Variants in OPCML observed in about 807,000 individuals in gnomAD.
OPCML encodes the protein opioid binding protein/cell adhesion molecule like, also known as opioid-binding protein/cell adhesion molecule.
OPCML carries 13 observed loss-of-function variants against 37.8 expected under a neutral mutation model. The ratio of observed to expected loss-of-function variants is 0.34; its 90% CI spans 0.22 to 0.55. The LOEUF (loss-of-function observed/expected upper bound fraction) is 0.55. OPCML is among the 20% of genes least tolerant of loss of function. The pLI is 0.91. For synonymous variants in OPCML, 176 were observed against 168.8 expected (o/e 1.04, Z -0.33); for missense variants, 341 against 435.6 (o/e 0.78, Z 1.93).
At chr11:132,968,779 TATATGGACTATCGTGTCATCAGC>T (rs1321715861) in intron 1 of OPCML, among the ~76,000 whole-genome samples, 1 of 152,210 alleles carries the variant, frequency 6.6e-6, no homozygotes, top group Admixed American at 6.5e-5. Context: ...TCAGATTTTG[TATATGGACTATCGTGTCATCAGC>T]ATATGGACTA....
At chr11:133,523,512 C>A (rs573884484) in intron 1 of OPCML, among the ~76,000 whole-genome samples, 1 of 152,154 alleles carries the variant, frequency 6.6e-6, no homozygotes, top group Non-Finnish European at 1.5e-5. Context: ...AGTAGTCTTC[C>A]GACTAGTCTA....
intron 1 of OPCML, among the ~76,000 whole-genome samples, chr11:133,394,053 C>G (rs1400643788): frequency 6.6e-6 from 1 of 152,204 alleles, no homozygotes; most frequent in Non-Finnish European, 1.5e-5. Flanking sequence ...TCACCAGCCC[C>G]TCATATGCAA....
At chr11:133,005,382 A>C (rs1947089410) in intron 1 of OPCML, 7 of 985,368 alleles carry the variant, frequency 7.1e-6, no homozygotes, top group Non-Finnish European at 8.4e-6. Flanking sequence ...CGTTTCTCAG[A>C]TATCTGTCTA....
intron 1 of OPCML, among the ~76,000 whole-genome samples, chr11:133,334,592 T>C (rs1943700417): frequency 6.6e-6 from 1 of 152,212 alleles, no homozygotes; most frequent in Admixed American, 6.5e-5. Flanking sequence ...ACAACCCCCA[T>C]GACATGTGTT....
At chr11:132,639,956 G>A (rs1940749664) in intron 3 of OPCML, among the ~76,000 whole-genome samples, 1 of 152,200 alleles carries the variant, frequency 6.6e-6, no homozygotes, top group Non-Finnish European at 1.5e-5. Context: ...AGTTTCTGAG[G>A]CAAATGTGAG....
intron 1 of OPCML, among the ~76,000 whole-genome samples, chr11:133,347,487 A>G (rs1034102367): frequency 6.6e-6 from 1 of 152,224 alleles, no homozygotes; most frequent in African/African-American, 2.4e-5. Flanking sequence ...CAGCAAAACC[A>G]TTAGAGATCA....
At chr11:133,113,179 G>A (rs927283391) in intron 1 of OPCML, among the ~76,000 whole-genome samples, 1 of 152,158 alleles carries the variant, frequency 6.6e-6, no homozygotes, top group African/African-American at 2.4e-5. Context: ...GAGCTAAACT[G>A]TATGGGTATA....
intron 1 of OPCML, among the ~76,000 whole-genome samples, chr11:133,079,926 A>G (rs1262811431): frequency 6.6e-6 from 1 of 152,130 alleles, no homozygotes; most frequent in Non-Finnish European, 1.5e-5. Flanking sequence ...CTCCCTTTTC[A>G]CAAAGCAGCT....
chr11:133,235,778 C>A (rs1306714952), intron 1 of OPCML, among the ~76,000 whole-genome samples: 1 of 152,184 alleles, frequency 6.6e-6, no homozygotes, highest in Non-Finnish European at 1.5e-5. Context: ...GCCATTAACT[C>A]AGAGCTACAA....
At position 133,029,378 on chromosome 11, in the gene OPCML, CA is replaced by C. The variant is rs1336990697; in HGVS notation, c.62-86369del. 1.7e-4 allele frequency among the ~76,000 whole-genome samples: 26 copies of C among 152,170 alleles called. 1 individual carries two copies. Among genetic ancestry groups the C allele is most frequent in the African/African-American group, 5.3e-4 (22 of 41,524 alleles). On this transcript the variant is annotated intron_variant, in intron 1 of 7. Transcript: ENST00000524381. ...GCAAGGCCACTAGTCAGCATATAGC[CA>C]AAGGAAAATAAATCGTTCAACCAAA... is the stretch of plus-strand genomic sequence containing the variant.
At chr11:133,246,085 C>A (rs890014722) in intron 1 of OPCML, among the ~76,000 whole-genome samples, 9 of 152,110 alleles carry the variant, frequency 5.9e-5, no homozygotes, top group South Asian at 2.1e-4. Context: ...ATGTAAAAAA[C>A]CACTTTCTGC....
chr11:132,539,330 C>G (rs1392488622), intron 3 of OPCML, among the ~76,000 whole-genome samples: 1 of 152,122 alleles, frequency 6.6e-6, no homozygotes, highest in East Asian at 1.9e-4. Context: ...TGCAAAGGAT[C>G]TACAAAACAG....
At chr11:133,314,709 C>A (rs1943161596) in intron 1 of OPCML, among the ~76,000 whole-genome samples, 1 of 152,208 alleles carries the variant, frequency 6.6e-6, no homozygotes, top group African/African-American at 2.4e-5. Flanking sequence ...TCAATGGTCT[C>A]CCCCACAGAA....
At chr11:133,080,474 G>GT (rs34982227) in intron 1 of OPCML, among the ~76,000 whole-genome samples, 6,086 of 129,144 alleles carry the variant, frequency 0.047, 219 homozygotes, top group African/African-American at 0.1. Flanking sequence ...GTAATCAAAT[G>GT]TTTTTTTTTT....
intron 3 of OPCML, among the ~76,000 whole-genome samples, chr11:132,627,749 G>T (rs1279704568): frequency 6.6e-6 from 1 of 152,202 alleles, no homozygotes; most frequent in African/African-American, 2.4e-5. Flanking sequence ...CTAGTAGTAA[G>T]TGAAAATAAC....
chr11:133,187,129 G>T (rs1163180509), intron 1 of OPCML, among the ~76,000 whole-genome samples: 1 of 152,184 alleles, frequency 6.6e-6, no homozygotes, highest in African/African-American at 2.4e-5. Context: ...AGAATAGACT[G>T]CAGGGAAGAA....
At chr11:133,290,098 A>C (rs1388486481) in intron 1 of OPCML, among the ~76,000 whole-genome samples, 1 of 152,170 alleles carries the variant, frequency 6.6e-6, no homozygotes, top group Non-Finnish European at 1.5e-5. Context: ...ACAGTGACAA[A>C]GGCTGCATGC....
rs147981692 is a variant in OPCML at position 133,446,175 on chromosome 11, AG to A, written c.61+86088del. Among the ~76,000 whole-genome samples the A allele has an allele frequency of 5.6e-4, 85 of 152,268 alleles. 1 individual carries two copies. Among genetic ancestry groups the A allele is most frequent in the African/African-American group, 2.0e-3 (83 of 41,540 alleles). Reference sequence around the variant, plus strand: ...CACTCTGAACTACACAGTGGTTATGAGATTTAAGCATCTCTCTGACAAGAAC... The same window carrying A: ...CACTCTGAACTACACAGTGGTTATGAATTTAAGCATCTCTCTGACAAGAAC... On this transcript the variant is annotated intron_variant, in intron 1 of 7. Coordinates refer to ENST00000524381, the MANE Select transcript of OPCML (RefSeq NM_001012393.5).
chr11:132,735,890 G>A (rs1945239659), intron 2 of OPCML, among the ~76,000 whole-genome samples: 1 of 152,156 alleles, frequency 6.6e-6, no homozygotes, highest in Admixed American at 6.5e-5. Context: ...CATCCAAGAA[G>A]CAGCTGGAAA....
Sources: gnomAD v4.1 joint callset for allele counts (sites outside exome capture counted in the v4.1 genomes callset) on GRCh38, gnomAD v4.1.1 for gene constraint, MANE v1.5 for transcripts, NCBI Gene and HGNC (gene_info 2026-07-23, HGNC 2026-07-21) for gene names.